ALDH6A1: variants seen among roughly 807,000 people sequenced by gnomAD.
ALDH6A1 encodes methylmalonate-semialdehyde/malonate-semialdehyde dehydrogenase [acylating], mitochondrial.
ALDH6A1 carries 43 observed loss-of-function variants against 62.6 expected under a neutral mutation model. The observed-to-expected ratio is 0.69, with a 90% CI of 0.54 to 0.89. ALDH6A1 has a LOEUF of 0.89. Among genes scored for constraint, ALDH6A1 ranks in the 40% least tolerant of loss-of-function variants. The probability of loss-of-function intolerance (pLI) is 0.00; values close to 1 mark genes in which losing one functional copy is unlikely to be tolerated. For synonymous variants in ALDH6A1, 194 were observed against 234.2 expected (o/e 0.83, Z 1.57); for missense variants, 551 against 661.3 (o/e 0.83, Z 1.83).
chr14:74,063,111 G>A (rs969277363), intron 11 of ALDH6A1, among the ~76,000 whole-genome samples: 14 of 151,876 alleles, frequency 9.2e-5, no homozygotes, highest in South Asian at 2.1e-4. Flanking sequence ...GCCCATTTCC[G>A]CTGTCTGAAT....
At chr14:74,063,143 C>T (rs1227039100) in intron 11 of ALDH6A1, among the ~76,000 whole-genome samples, 7 of 151,986 alleles carry the variant, frequency 4.6e-5, no homozygotes, top group Non-Finnish European at 5.9e-5. Context: ...CTTCCTGCCT[C>T]GGGACATATG....
At position 74,068,853 on chromosome 14, in the gene ALDH6A1, A is replaced by C; in HGVS notation, c.852+7T>G. On this transcript the variant is annotated splice_region_variant and intron_variant, in intron 7 of 11. Coordinates refer to ENST00000553458, the MANE Select transcript of ALDH6A1 (RefSeq NM_005589.4). ...AAAGATTGGAGAAAAAAGGAATAAG[A>C]AGTCACCATATTGGCTTGAACCCTC... 3.7e-6 allele frequency: 6 copies of C among 1,613,838 alleles called. No homozygotes were observed. The highest frequency in any genetic ancestry group is 5.1e-6 in the Non-Finnish European group (6 of 1,179,856).
At chr14:74,077,964 G>C (rs1219966832) in intron 1 of ALDH6A1, among the ~76,000 whole-genome samples, 1 of 152,146 alleles carries the variant, frequency 6.6e-6, no homozygotes, top group Non-Finnish European at 1.5e-5. Flanking sequence ...TGTAAATAAC[G>C]GCACGGTGAT....
At chr14:74,076,128 T>G (rs1251091270) in intron 1 of ALDH6A1, among the ~76,000 whole-genome samples, 1 of 152,204 alleles carries the variant, frequency 6.6e-6, no homozygotes, top group Admixed American at 6.6e-5. Flanking sequence ...TGATGCTATT[T>G]TCACAGGTGT....
At chr14:74,083,706 C>T (rs1171315809) in intron 1 of ALDH6A1, among the ~76,000 whole-genome samples, 1 of 152,162 alleles carries the variant, frequency 6.6e-6, no homozygotes, top group Non-Finnish European at 1.5e-5. Context: ...AAAAGTTTAA[C>T]TCAAAGTTTT....
chr14:74,084,203 G>GGACA, intron 1 of ALDH6A1, 144 bp downstream of exon 1: 1 of 1,251,274 alleles, frequency 8.0e-7, no homozygotes. Context: ...GCTGGGCATG[G>GGACA]GACAGGGCCG....
chr14:74,069,101 CTTTT>C (rs900873855), intron 6 of ALDH6A1, 120 bp from the exon 7 acceptor site: 896 of 458,338 alleles, frequency 2.0e-3, no homozygotes, highest in Non-Finnish European at 2.4e-3. Context: ...TTTACTTTTT[CTTTT>C]TTTTTTTTTT....
intron 1 of ALDH6A1, among the ~76,000 whole-genome samples, chr14:74,083,538 C>G (rs148152831): frequency 6.6e-6 from 1 of 152,198 alleles, no homozygotes; most frequent in East Asian, 1.9e-4. Flanking sequence ...GGAACTTAGA[C>G]TTCTTGTCTT....
rs1321868039 is a variant in ALDH6A1, at chr14:74,057,963, A to C, written c.*2679T>G. Reference sequence around the variant, plus strand: ...GTTAGGAATCTCTGTGACTACATTTAATTCCACTTGGAATATAGACAATAA... The same window carrying C: ...GTTAGGAATCTCTGTGACTACATTTCATTCCACTTGGAATATAGACAATAA... On this transcript the variant is annotated 3_prime_UTR_variant, in exon 12 of 12. Transcript: ENST00000553458. 2.2e-6 allele frequency: 2 copies of C among 894,698 alleles called. No individual in the cohort carries two copies. Among genetic ancestry groups the C allele is most frequent in the Middle Eastern group, 5.6e-4 (1 of 1,778 alleles). 55.4% of individuals were successfully genotyped at this position (894,698 alleles called of 1,614,324 possible).
At chr14:74,081,740 T>C (rs2060669744) in intron 1 of ALDH6A1, among the ~76,000 whole-genome samples, 1 of 152,312 alleles carries the variant, frequency 6.6e-6, no homozygotes, top group Non-Finnish European at 1.5e-5. Context: ...TCCTATTGTT[T>C]ATCACTTATT....
At chr14:74,071,725 G>C (rs1291655128) in intron 5 of ALDH6A1, 171 bp downstream of exon 5, 10 of 1,453,796 alleles carry the variant, frequency 6.9e-6, no homozygotes, top group Non-Finnish European at 9.4e-6. Flanking sequence ...AAAGAGTAAA[G>C]TAAATCAGTC....
Position 74,072,713 on chromosome 14 carries a change from C to G in ALDH6A1, c.112-102G>C, listed in dbSNP as rs2060567676. On this transcript the variant is annotated intron_variant, in intron 2 of 11. Transcript: ENST00000553458. The stretch of plus-strand genomic sequence containing the variant: ...TCCCTTGCACCAAAAGGAAAGAAAA[C>G]AAGTTGATAACGGAATCTTCTGGTC... 3.0e-6 allele frequency: 4 copies of G among 1,320,714 alleles called. No individual in the cohort carries two copies. The East Asian group carries it at 9.8e-5, about 32-fold the overall frequency. The allele number at this position is 1,320,714 out of a possible 1,614,324, so 81.8% of individuals were successfully genotyped here.
rs1349868578 is a variant in ALDH6A1, at chr14:74,057,934, A to C, written c.*2708T>G. On this transcript the variant is annotated 3_prime_UTR_variant, in exon 12 of 12. Coordinates refer to ENST00000553458, the MANE Select transcript of ALDH6A1 (RefSeq NM_005589.4). ...AAGTGATTTCCCTTAAATATAAGGA[A>C]AATGTTAGGAATCTCTGTGACTACA... The C allele has an allele frequency of 5.1e-6, 5 of 981,064 alleles. No individual in the cohort carries two copies. In the African/African-American group the frequency reaches 8.8e-5, roughly 17 times the overall value. The allele number at this position is 981,064 out of a possible 1,614,324, so 60.8% of individuals were successfully genotyped here.
chr14:74,069,646 G>T (rs57257247), intron 6 of ALDH6A1, among the ~76,000 whole-genome samples: 28,073 of 151,526 alleles, frequency 0.19, 2,807 homozygotes, highest in South Asian at 0.43. Context: ...CCAGCTACTT[G>T]GGAGTCTGAG....
chr14:74,069,931 A>C (rs1297716859), intron 6 of ALDH6A1, among the ~76,000 whole-genome samples: 2 of 143,876 alleles, frequency 1.4e-5, no homozygotes, highest in Non-Finnish European at 3.0e-5. Context: ...GGCTCACTGC[A>C]ACCTCTGTTT....
chr14:74,060,834 T>C, intron 11 of ALDH6A1, 88 bp from the exon 12 acceptor site: 2 of 906,688 alleles, frequency 2.2e-6, no homozygotes, highest in Non-Finnish European at 3.7e-6. Flanking sequence ...TATTATAAAG[T>C]GCTACTCACT....
At chr14:74,063,670 A>T (rs530801420) in intron 11 of ALDH6A1, among the ~76,000 whole-genome samples, 169 of 151,562 alleles carry the variant, frequency 1.1e-3, no homozygotes, top group Middle Eastern at 6.8e-3. Flanking sequence ...ATTCGAGACC[A>T]GCCTGGCCAA....
chr14:74,082,549 G>C (rs1220986756), intron 1 of ALDH6A1, among the ~76,000 whole-genome samples: 3 of 151,728 alleles, frequency 2.0e-5, no homozygotes, highest in Non-Finnish European at 4.4e-5. Flanking sequence ...ACAGTCGCCC[G>C]CCACCACACC....
At chr14:74,063,853 G>C (rs1293334194) in intron 11 of ALDH6A1, among the ~76,000 whole-genome samples, 2 of 137,060 alleles carry the variant, frequency 1.5e-5, no homozygotes, top group Non-Finnish European at 3.1e-5. Flanking sequence ...GCGACAGAGT[G>C]AGACTCTGTC....
Sources: gnomAD v4.1 joint callset for allele counts (sites outside exome capture counted in the v4.1 genomes callset) on GRCh38, gnomAD v4.1.1 for gene constraint, MANE v1.5 for transcripts, NCBI Gene and HGNC (gene_info 2026-07-23, HGNC 2026-07-21) for gene names.